Variants in VEPH1 observed in about 807,000 individuals in gnomAD.
VEPH1 encodes ventricular zone expressed PH domain containing 1.
In VEPH1, 80 loss-of-function variants were observed where a neutral mutation model predicts 85.2. The ratio of observed to expected loss-of-function variants is 0.94; its 90% CI spans 0.78 to 1.13. The LOEUF is 1.13. VEPH1 is among the 50% of genes most tolerant of loss of function. The probability of loss-of-function intolerance (pLI) is 0.00; values close to 1 mark genes in which losing one functional copy is unlikely to be tolerated. For missense variants in VEPH1, 955 were observed against 980.5 expected (o/e 0.97, Z 0.35); for synonymous variants, 297 against 348.0 (o/e 0.85, Z 1.63).
intron 9 of VEPH1, among the ~76,000 whole-genome samples, chr3:157,350,880 G>T (rs548574061): frequency 2.6e-5 from 4 of 152,266 alleles, no homozygotes; most frequent in African/African-American, 9.6e-5. Flanking sequence ...AACAAATGCT[G>T]GTGAGGATGC....
intron 11 of VEPH1, among the ~76,000 whole-genome samples, chr3:157,305,204 G>C (rs1261571874): frequency 5.6e-5 from 8 of 141,628 alleles, no homozygotes; most frequent in Non-Finnish European, 1.2e-4. Flanking sequence ...CCGCCTCCCG[G>C]GTTCACGCCA....
intron 9 of VEPH1, among the ~76,000 whole-genome samples, chr3:157,338,735 T>C (rs1457290398): frequency 6.6e-6 from 1 of 152,192 alleles, no homozygotes; most frequent in Non-Finnish European, 1.5e-5. Flanking sequence ...ACCCTAACTA[T>C]AAGTAAAAAG....
intron 6 of VEPH1, among the ~76,000 whole-genome samples, chr3:157,401,549 G>A (rs1730791785): frequency 6.6e-6 from 1 of 152,060 alleles, no homozygotes; most frequent in East Asian, 1.9e-4. Flanking sequence ...AGAAAGATTT[G>A]GGTATATTTC....
intron 4 of VEPH1, among the ~76,000 whole-genome samples, chr3:157,459,339 C>T (rs1461910023): frequency 6.6e-6 from 1 of 152,096 alleles, no homozygotes; most frequent in African/African-American, 2.4e-5. Context: ...GGTCTGGATA[C>T]CTTGGGAAGA....
At chr3:157,350,874 A>T (rs1724792472) in intron 9 of VEPH1, among the ~76,000 whole-genome samples, 1 of 152,202 alleles carries the variant, frequency 6.6e-6, no homozygotes, top group Non-Finnish European at 1.5e-5. Flanking sequence ...AAAAATAACA[A>T]ATGCTGGTGA....
intron 9 of VEPH1, among the ~76,000 whole-genome samples, chr3:157,345,219 C>A (rs1426586025): frequency 3.3e-5 from 5 of 152,158 alleles, no homozygotes; most frequent in Non-Finnish European, 5.9e-5. Flanking sequence ...GCAAAAGAAA[C>A]TACCATCAGA....
At chr3:157,339,376 G>T (rs1723282652) in intron 9 of VEPH1, among the ~76,000 whole-genome samples, 1 of 152,210 alleles carries the variant, frequency 6.6e-6, no homozygotes, top group African/African-American at 2.4e-5. Context: ...TCTGCTGGCT[G>T]CAGGGGTTGG....
chr3:157,462,506 G>T (rs1735978523), intron 3 of VEPH1, among the ~76,000 whole-genome samples: 1 of 152,160 alleles, frequency 6.6e-6, no homozygotes, highest in Admixed American at 6.6e-5. Flanking sequence ...GTGTCAGGAA[G>T]ATGACTTGTC....
At chr3:157,409,602 A>G in intron 6 of VEPH1, 1 of 984,662 alleles carries the variant, frequency 1.0e-6, no homozygotes, top group Non-Finnish European at 1.2e-6. Context: ...TTTGTTTTAT[A>G]TATACAACTC....
chr3:157,336,450 A>G (rs1722976836), intron 9 of VEPH1, among the ~76,000 whole-genome samples: 1 of 152,108 alleles, frequency 6.6e-6, no homozygotes, highest in South Asian at 2.1e-4. Flanking sequence ...CTTGGACCAC[A>G]ATGGTATTAC....
At chr3:157,325,560 C>A (rs1721810427) in intron 9 of VEPH1, among the ~76,000 whole-genome samples, 1 of 152,080 alleles carries the variant, frequency 6.6e-6, no homozygotes, top group African/African-American at 2.4e-5. Context: ...CGTCATATGG[C>A]CAGCCAGTTC....
At chr3:157,315,193 A>T (rs559906836) in intron 10 of VEPH1, among the ~76,000 whole-genome samples, 107 of 152,194 alleles carry the variant, frequency 7.0e-4, no homozygotes, top group African/African-American at 2.6e-3. Context: ...TATTTAGTGA[A>T]TGAAGATTAA....
chr3:157,420,422 T>G (rs1013032176), intron 5 of VEPH1, among the ~76,000 whole-genome samples: 1 of 152,094 alleles, frequency 6.6e-6, no homozygotes, highest in African/African-American at 2.4e-5. Context: ...CTTCAATTAG[T>G]CTTCAGGCCC....
chr3:157,292,132 T>C (rs1460114043), intron 11 of VEPH1, among the ~76,000 whole-genome samples: 1 of 152,218 alleles, frequency 6.6e-6, no homozygotes, highest in Admixed American at 6.5e-5. Flanking sequence ...GTTCTCGCTA[T>C]GTTGCCCAGG....
At chr3:157,464,523 C>T (rs1162267941) in intron 3 of VEPH1, among the ~76,000 whole-genome samples, 1 of 152,154 alleles carries the variant, frequency 6.6e-6, no homozygotes, top group East Asian at 1.9e-4. Flanking sequence ...TATCATCTTA[C>T]AGTTTGGTGC....
chr3:157,332,763 G>A (rs1378588739), intron 9 of VEPH1, among the ~76,000 whole-genome samples: 1 of 152,188 alleles, frequency 6.6e-6, no homozygotes, highest in Non-Finnish European at 1.5e-5. Flanking sequence ...ATTCCTAAGA[G>A]TGGAATTGTT....
At chr3:157,300,773 T>C (rs748028740) in intron 11 of VEPH1, among the ~76,000 whole-genome samples, 34 of 152,246 alleles carry the variant, frequency 2.2e-4, no homozygotes, top group Non-Finnish European at 4.7e-4. Context: ...TCACTTAATA[T>C]AATGGATTGT....
Position 157,317,216 on chromosome 3 carries a change from A to G in VEPH1, c.1736-15T>C, listed in dbSNP as rs1220948955. On this transcript the variant is annotated splice_polypyrimidine_tract_variant and intron_variant, in intron 9 of 13. Transcript: ENST00000362010. ...TCTCACAGTGTCTAGAAACAAATAC[A>G]TATAGCGTTAAACGTTATGGTCTTT... 1.2e-6 allele frequency: 2 copies of G among 1,604,872 alleles called. No individual in the cohort carries two copies. The highest frequency in any genetic ancestry group is 2.2e-5 in the South Asian group (2 of 89,070).
chr3:157,382,758 C>T (rs1419398827), intron 6 of VEPH1, among the ~76,000 whole-genome samples: 2 of 152,156 alleles, frequency 1.3e-5, no homozygotes, highest in Non-Finnish European at 2.9e-5. Flanking sequence ...GCAACTCTTC[C>T]ATGCAGCTGT....
Sources: gnomAD v4.1 joint callset for allele counts (sites outside exome capture counted in the v4.1 genomes callset) on GRCh38, gnomAD v4.1.1 for gene constraint, MANE v1.5 for transcripts, NCBI Gene and HGNC (gene_info 2026-07-23, HGNC 2026-07-21) for gene names.